The following SLC45A2 variants were observed in gnomAD, a reference collection of about 807,000 sequenced individuals.
SLC45A2 encodes membrane-associated transporter protein.
In SLC45A2, 36 loss-of-function variants were observed where a neutral mutation model predicts 45.5. The observed-to-expected ratio is 0.79, with a 90% CI of 0.61 to 1.04. The LOEUF (loss-of-function observed/expected upper bound fraction) is 1.04. SLC45A2 is among the 50% of genes least tolerant of loss of function. The pLI, the probability that SLC45A2 is intolerant of heterozygous loss-of-function variation, is 0.00. For synonymous variants in SLC45A2, 306 were observed against 269.3 expected, an observed-to-expected ratio of 1.14 and a Z score of -1.33; for missense variants, 719 against 671.0, an observed-to-expected ratio of 1.07 and a Z score of -0.79.
intron 3 of SLC45A2, among the ~76,000 whole-genome samples, chr5:33,958,052 C>A (rs950146381): frequency 4.6e-5 from 7 of 152,216 alleles, no homozygotes; most frequent in Admixed American, 2.0e-4. Context: ...AGTTGTTTTA[C>A]TGCATTTATT....
chr5:33,969,065 C>CTCTCTCTCTCTCTCTCTCTCTCTG, intron 2 of SLC45A2, among the ~76,000 whole-genome samples: 1,770 of 102,322 alleles, frequency 0.017, 42 homozygotes, highest in Non-Finnish European at 0.028. Context: ...CTCTCTCTCT[C>CTCTCTCTCTCTCTCTCTCTCTCTG]TGTGTGTGTG....
intron 2 of SLC45A2, among the ~76,000 whole-genome samples, chr5:33,969,065 C>CTCTCTCTCTGTGTG: frequency 3.9e-5 from 4 of 102,390 alleles, no homozygotes; most frequent in African/African-American, 1.5e-4. Flanking sequence ...CTCTCTCTCT[C>CTCTCTCTCTGTGTG]TGTGTGTGTG....
At chr5:33,981,666 C>G (rs1753075403) in intron 2 of SLC45A2, among the ~76,000 whole-genome samples, 2 of 152,360 alleles carry the variant, frequency 1.3e-5, no homozygotes, top group Admixed American at 1.3e-4. Context: ...CTGGCATGAA[C>G]TTTTTCAAAC....
At chr5:33,978,352 C>G (rs1752987323) in intron 2 of SLC45A2, among the ~76,000 whole-genome samples, 1 of 152,106 alleles carries the variant, frequency 6.6e-6, no homozygotes, top group Admixed American at 6.5e-5. Flanking sequence ...TTTGATATAT[C>G]TTGGAATGGC....
chr5:33,965,674 C>G (rs147476197), intron 2 of SLC45A2, among the ~76,000 whole-genome samples: 2 of 152,334 alleles, frequency 1.3e-5, no homozygotes, highest in East Asian at 3.9e-4. Flanking sequence ...CCACACTCTA[C>G]GACTGATTCA....
rs535898768 is a variant in SLC45A2, at chr5:33,963,437, T to C, written c.888+254A>G. 7.9e-5 allele frequency among the ~76,000 whole-genome samples: 11 copies of C among 139,650 alleles called. No individual in the cohort carries two copies. The South Asian group carries it at 2.5e-3, about 31-fold the overall frequency. The allele number at this position is 139,650 out of a possible 152,430, so 91.6% of individuals were successfully genotyped here. A position where few individuals can be genotyped will look rare whatever the true frequency, so the allele number is the denominator to read the frequency against. ...CTCTTGTTGCCTAACCTTTCTCAAC[T>C]GGCTTCATCTTCCCTGGTTGGATGC... is the stretch of plus-strand genomic sequence containing the variant. On this transcript the variant is annotated intron_variant, in intron 3 of 6. Transcript: ENST00000296589.
At chr5:33,953,676 A>G (rs1752185689) in intron 4 of SLC45A2, among the ~76,000 whole-genome samples, 1 of 129,504 alleles carries the variant, frequency 7.7e-6, no homozygotes, top group Non-Finnish European at 1.6e-5. Flanking sequence ...ACCAGCTAAC[A>G]TCATAATGAC....
chr5:33,948,449 AC>A (rs1190549760), intron 5 of SLC45A2, among the ~76,000 whole-genome samples: 1 of 152,242 alleles, frequency 6.6e-6, no homozygotes, highest in Non-Finnish European at 1.5e-5. Flanking sequence ...AATAACAGAT[AC>A]TTGAAACGTG....
chr5:33,949,284 C>T (rs1304284409), intron 5 of SLC45A2, among the ~76,000 whole-genome samples: 1 of 152,124 alleles, frequency 6.6e-6, no homozygotes, highest in Non-Finnish European at 1.5e-5. Context: ...ATATAGTGAG[C>T]TCTGGAAGGA....
chr5:33,979,452 C>T (rs1753013820), intron 2 of SLC45A2, among the ~76,000 whole-genome samples: 1 of 152,052 alleles, frequency 6.6e-6, no homozygotes, highest in Non-Finnish European at 1.5e-5. Flanking sequence ...TCCTATCAGA[C>T]TTAAAAAGGT....
chr5:33,947,439 C>A lies in SLC45A2; in HGVS notation c.1157-65G>T, dbSNP rs250416. ...CCTCATAACATTTAATAATTTCAGA[C>A]AATCCTTTCTTCTGAAGATTCACCT... is the stretch of plus-strand genomic sequence containing the variant. On this transcript the variant is annotated intron_variant, in intron 5 of 6. Transcript: ENST00000296589. 0.056 allele frequency: 78,794 copies of A among 1,409,144 alleles called. 9,737 individuals are homozygous for A. Among genetic ancestry groups the A allele is most frequent in the East Asian group, 0.4 (17,294 of 43,778 alleles). 87.3% of individuals were successfully genotyped at this position (1,409,144 alleles called of 1,614,324 possible). A position where few individuals can be genotyped will look rare whatever the true frequency, so the allele number is the denominator to read the frequency against.
intron 4 of SLC45A2, 119 bp from the exon 5 acceptor site, chr5:33,951,796 A>T (rs748745003): frequency 3.2e-6 from 4 of 1,239,856 alleles, no homozygotes; most frequent in Non-Finnish European, 3.6e-6. Flanking sequence ...CCCTTTCTAG[A>T]GTACAGAGCT....
At position 33,984,556 on chromosome 5, in the gene SLC45A2, G is replaced by A; in HGVS notation, c.28C>T (p.Arg10Cys). The A allele has an allele frequency of 6.2e-7, 1 of 1,611,274 alleles. No homozygotes were observed. Among genetic ancestry groups the A allele is most frequent in the Non-Finnish European group, 8.5e-7 (1 of 1,180,024 alleles). Residue 10 changes from arginine (R) to cysteine (C), a missense_variant, in exon 1 of 7, where the codon CGC becomes TGC. Arg to Cys is a radical substitution (Grantham distance 180). Coordinates refer to ENST00000296589, the MANE Select transcript of SLC45A2 (RefSeq NM_016180.5). Reference protein sequence around the residue: MGSNSGQAGRHIYKSLADDG... With the variant: MGSNSGQAGCHIYKSLADDG... ...TCAGCTAGGGATTTATAGATGTGGCGGCCAGCCTGCCCACTGTTGCTACCC... is the reference window on the plus strand; with the variant it reads ...TCAGCTAGGGATTTATAGATGTGGCAGCCAGCCTGCCCACTGTTGCTACCC...
chr5:33,974,357 G>A (rs561277312), intron 2 of SLC45A2, among the ~76,000 whole-genome samples: 139 of 151,978 alleles, frequency 9.1e-4, no homozygotes, highest in Non-Finnish European at 1.7e-3. Flanking sequence ...CCAAAAAAAT[G>A]TCAGAAATAT....
chr5:33,970,046 G>T (rs1161020259), intron 2 of SLC45A2, among the ~76,000 whole-genome samples: 2 of 152,136 alleles, frequency 1.3e-5, no homozygotes, highest in South Asian at 2.1e-4. Flanking sequence ...TGGTGACCAG[G>T]GAGCACAGGG....
intron 2 of SLC45A2, among the ~76,000 whole-genome samples, chr5:33,974,452 CA>C (rs3836799): frequency 0.043 from 5,655 of 131,614 alleles, 297 homozygotes; most frequent in African/African-American, 0.13. Flanking sequence ...AGCAGTGAAA[CA>C]AAAAAAAAAA....
At chr5:33,967,523 C>G (rs377412048) in intron 2 of SLC45A2, among the ~76,000 whole-genome samples, 3 of 152,260 alleles carry the variant, frequency 2.0e-5, no homozygotes, top group Admixed American at 6.5e-5. Flanking sequence ...GGCCAGGTGA[C>G]AGCAGTTTCT....
intron 2 of SLC45A2, among the ~76,000 whole-genome samples, chr5:33,980,595 T>C (rs1753048245): frequency 6.6e-6 from 1 of 152,204 alleles, no homozygotes; most frequent in South Asian, 2.1e-4. Flanking sequence ...ACTGAGCACC[T>C]ACTATGCAGC....
chr5:33,984,166 T>A lies in SLC45A2; in HGVS notation c.385+33A>T, dbSNP rs1561374999. 2.5e-6 allele frequency: 4 copies of A among 1,612,932 alleles called. No individual in the cohort carries two copies. In the East Asian group the frequency reaches 8.9e-5, roughly 36 times the overall value. On this transcript the variant is annotated intron_variant, in intron 1 of 6. Coordinates refer to ENST00000296589, the MANE Select transcript of SLC45A2 (RefSeq NM_016180.5). ...GCAGAGGTACACACTAAGACACATA[T>A]CCCTGTCTGCCCACCTTGTGCAGCC...
Sources: allele counts gnomAD v4.1 joint callset (sites outside exome capture counted in the v4.1 genomes callset), GRCh38; gene constraint gnomAD v4.1.1; transcripts MANE v1.5; gene names NCBI Gene and HGNC (gene_info 2026-07-23, HGNC 2026-07-21).